The following CPVL variants were observed in gnomAD, a reference collection of about 807,000 sequenced individuals.
The protein encoded by CPVL is probable serine carboxypeptidase CPVL.
Under a neutral mutation model 63.7 loss-of-function variants are expected in CPVL, and 51 were observed. That is an observed-to-expected ratio of 0.80 (90% CI 0.64 to 1.01). The LOEUF (loss-of-function observed/expected upper bound fraction) is 1.01. CPVL is among the 50% of genes least tolerant of loss of function. The pLI, the probability that CPVL is intolerant of heterozygous loss-of-function variation, is 0.00. For missense variants in CPVL, 530 were observed against 573.1 expected (o/e 0.92, Z 0.77); for synonymous variants, 195 against 206.0 (o/e 0.95, Z 0.46).
chr7:29,078,341 T>C (rs910498196), intron 7 of CPVL, among the ~76,000 whole-genome samples: 15 of 152,358 alleles, frequency 9.8e-5, no homozygotes, highest in African/African-American at 3.6e-4. Context: ...AAAGCCATCA[T>C]TGACAGGCAT....
intron 9 of CPVL, 45 bp downstream of exon 9, chr7:29,071,728 A>G (rs758477222): frequency 1.3e-5 from 7 of 541,950 alleles, no homozygotes; most frequent in Admixed American, 2.6e-5. Context: ...CCCTCCCCAG[A>G]TGGTTTTAAT....
chr7:29,040,803 T>A (rs1788994146), intron 11 of CPVL, among the ~76,000 whole-genome samples: 1 of 152,116 alleles, frequency 6.6e-6, no homozygotes, highest in South Asian at 2.1e-4. Flanking sequence ...CCAAAAAAAA[T>A]TATTCCTGCT....
intron 5 of CPVL, among the ~76,000 whole-genome samples, chr7:29,168,918 C>G (rs553131847): frequency 3.1e-4 from 47 of 152,040 alleles, no homozygotes; most frequent in Non-Finnish European, 5.9e-4. Context: ...TATTTCTATT[C>G]GCCATGTTTT....
upstream of CPVL, chr7:29,147,383 G>GTA (rs1377399035): frequency 6.2e-6 from 1 of 161,526 alleles, no homozygotes; most frequent in Non-Finnish European, 1.3e-5. Context: ...GAAACCCGCA[G>GTA]TAGAGCAGCC....
chr7:29,098,315 C>T (rs1786665115), intron 3 of CPVL, among the ~76,000 whole-genome samples: 1 of 152,126 alleles, frequency 6.6e-6, no homozygotes, highest in African/African-American at 2.4e-5. Flanking sequence ...GAGGAACTTT[C>T]CCAGTCACCA....
chr7:29,191,152 A>G (rs1291518593), intron 1 of CPVL, among the ~76,000 whole-genome samples: 1 of 152,154 alleles, frequency 6.6e-6, no homozygotes, highest in Non-Finnish European at 1.5e-5. Flanking sequence ...GGATGGTCTC[A>G]AACTCCTGGC....
intron 1 of CPVL, among the ~76,000 whole-genome samples, chr7:29,188,675 G>A (rs1330182536): frequency 6.6e-6 from 1 of 152,040 alleles, no homozygotes; most frequent in Non-Finnish European, 1.5e-5. Context: ...CGGTTCCCTG[G>A]GCTGACAAGC....
At chr7:29,092,768 G>T in intron 5 of CPVL, 66 bp from the exon 6 acceptor site, 1 of 1,124,810 alleles carries the variant, frequency 8.9e-7, no homozygotes, top group Non-Finnish European at 1.3e-6. Context: ...CCTGCAGAGA[G>T]GTCCCACACT....
intron 11 of CPVL, 31 bp downstream of exon 11, chr7:29,064,030 C>T: frequency 6.6e-7 from 1 of 1,514,798 alleles, no homozygotes; most frequent in Non-Finnish European, 9.1e-7. Flanking sequence ...TCTGAAAGTT[C>T]CTAAAATAGT....
intron 1 of CPVL, chr7:29,128,011 T>C (rs1412171772): frequency 1.3e-5 from 2 of 151,966 alleles, no homozygotes; most frequent in Non-Finnish European, 2.9e-5. Flanking sequence ...TTATTTGTTA[T>C]AGGGGCTCAG....
intron 1 of CPVL, among the ~76,000 whole-genome samples, chr7:29,138,286 A>G (rs1584373883): frequency 6.6e-6 from 1 of 152,260 alleles, no homozygotes; most frequent in Admixed American, 6.5e-5. Flanking sequence ...AAAAAAATAC[A>G]AAAATTAGCC....
chr7:29,074,676 G>C (rs160861), intron 7 of CPVL, among the ~76,000 whole-genome samples: 65,175 of 150,988 alleles, frequency 0.43, 15,556 homozygotes, highest in Non-Finnish European at 0.52. Flanking sequence ...TAGTGAGGGA[G>C]TTCTCACGAG....
intron 3 of CPVL, among the ~76,000 whole-genome samples, chr7:29,098,341 C>T (rs1786667110): frequency 6.6e-6 from 1 of 152,114 alleles, no homozygotes; most frequent in Non-Finnish European, 1.5e-5. Flanking sequence ...CTGATAGAGT[C>T]CTTCACGGCT....
At chr7:29,077,289 G>T (rs1784329384) in intron 7 of CPVL, among the ~76,000 whole-genome samples, 1 of 142,178 alleles carries the variant, frequency 7.0e-6, no homozygotes, top group South Asian at 2.1e-4. Flanking sequence ...ACATTTCTCT[G>T]AAGTTTAGTA....
At chr7:29,080,826 A>G (rs545158107) in intron 7 of CPVL, among the ~76,000 whole-genome samples, 12 of 152,242 alleles carry the variant, frequency 7.9e-5, no homozygotes, top group Non-Finnish European at 1.8e-4. Flanking sequence ...GTGTCCCATT[A>G]AGCTCCCTAA....
Position 29,090,552 on chromosome 7 carries a change from A to G in CPVL, c.542+2071T>C, listed in dbSNP as rs550999342. On this transcript the variant is annotated intron_variant, in intron 6 of 12. Transcript: ENST00000265394. ...GTCCACCACTAGACTGAGCACCAGG[A>G]GGGCAGGGGGTTTGAGGACTGCTTA... Among the ~76,000 whole-genome samples the G allele has an allele frequency of 3.9e-5, 6 of 152,338 alleles. No homozygotes were observed. In the South Asian group the frequency reaches 1.2e-3, roughly 32 times the overall value.
intron 8 of CPVL, 138 bp from the exon 9 acceptor site, chr7:29,072,042 C>T: frequency 1.0e-6 from 1 of 971,950 alleles, no homozygotes; most frequent in Non-Finnish European, 1.5e-6. Flanking sequence ...TACATGCACA[C>T]ACACATATAC....
At chr7:29,030,240 G>T (rs1387772513) in intron 12 of CPVL, among the ~76,000 whole-genome samples, 4 of 152,206 alleles carry the variant, frequency 2.6e-5, no homozygotes, top group Non-Finnish European at 4.4e-5. Flanking sequence ...AGAGGAGATT[G>T]TGTTGAAACT....
intron 1 of CPVL, chr7:29,122,695 G>GAAACCAGGACTTGACTCCACTC (rs150458546): frequency 0.31 from 46,906 of 151,938 alleles, 7,331 homozygotes; most frequent in Middle Eastern, 0.34. Flanking sequence ...TGAAAGTAGA[G>GAAACCAGGACTTGACTCCACTC]AAGGCCAGGA....
Sources: allele counts gnomAD v4.1 joint callset (sites outside exome capture counted in the v4.1 genomes callset), GRCh38; gene constraint gnomAD v4.1.1; transcripts MANE v1.5; gene names NCBI Gene and HGNC (gene_info 2026-07-23, HGNC 2026-07-21).